RC3H2: variants seen among roughly 807,000 people sequenced by gnomAD.
The protein encoded by RC3H2 is roquin-2.
RC3H2 carries 31 observed loss-of-function variants against 133.3 expected under a neutral mutation model. The ratio of observed to expected loss-of-function variants is 0.23; its 90% confidence interval spans 0.17 to 0.31. The LOEUF (loss-of-function observed/expected upper bound fraction) is 0.31. Ranked by LOEUF, RC3H2 falls within the 10% of genes least tolerant of loss-of-function variation. The pLI is 1.00. For synonymous variants in RC3H2, 517 were observed against 502.2 expected (o/e 1.03, Z -0.40); for missense variants, 1,175 against 1,437.2 (o/e 0.82, Z 2.95).
intron 1 of RC3H2, among the ~76,000 whole-genome samples, chr9:122,902,271 C>A (rs530164021): frequency 6.6e-6 from 1 of 152,052 alleles, no homozygotes; most frequent in Non-Finnish European, 1.5e-5. Flanking sequence ...TTAGTGATGA[C>A]GAGAAAAATA....
At chr9:122,888,186 T>C (rs1055705639) in intron 4 of RC3H2, among the ~76,000 whole-genome samples, 7 of 152,196 alleles carry the variant, frequency 4.6e-5, no homozygotes, top group Non-Finnish European at 1.0e-4. Context: ...GACAAACAAA[T>C]ATAATTTAGG....
At chr9:122,866,564 C>G (rs1209543799) in intron 9 of RC3H2, among the ~76,000 whole-genome samples, 1 of 152,092 alleles carries the variant, frequency 6.6e-6, no homozygotes, top group African/African-American at 2.4e-5. Context: ...GCCGCCACGC[C>G]TGACTGGTTT....
intron 9 of RC3H2, among the ~76,000 whole-genome samples, chr9:122,869,250 AAAG>A (rs1214308436): frequency 4.5e-4 from 68 of 152,180 alleles, no homozygotes; most frequent in African/African-American, 1.6e-3. Flanking sequence ...TCACGAACAG[AAAG>A]AAGACTATAC....
intron 6 of RC3H2, 42 bp from the exon 7 acceptor site, chr9:122,880,167 T>A (rs1480168856): frequency 6.2e-7 from 1 of 1,601,746 alleles, no homozygotes; most frequent in Non-Finnish European, 8.6e-7. Context: ...TTGGTTCTTA[T>A]GACACATTTA....
At chr9:122,857,900 T>A (rs1376022497) in intron 13 of RC3H2, 23 bp downstream of exon 13, 2 of 1,603,668 alleles carry the variant, frequency 1.2e-6, no homozygotes, top group Non-Finnish European at 1.7e-6. Context: ...CCTGCAACAT[T>A]AAGTAATTAA....
At chr9:122,864,601 A>T (rs1377353811) in intron 10 of RC3H2, among the ~76,000 whole-genome samples, 1 of 151,804 alleles carries the variant, frequency 6.6e-6, no homozygotes, top group African/African-American at 2.4e-5. Flanking sequence ...AAGCCCAGAG[A>T]GTGTGGCTCC....
intron 1 of RC3H2, among the ~76,000 whole-genome samples, chr9:122,902,030 A>T (rs1431801656): frequency 6.9e-6 from 1 of 145,956 alleles, no homozygotes; most frequent in South Asian, 2.2e-4. Context: ...CCCGGGTTCA[A>T]GCGATTCTCC....
At chr9:122,854,422 C>T in intron 16 of RC3H2, 109 bp downstream of exon 16, 1 of 1,179,598 alleles carries the variant, frequency 8.5e-7, no homozygotes, top group Non-Finnish European at 1.2e-6. Context: ...TGTTATATAG[C>T]TCAGACAACA....
intron 5 of RC3H2, 75 bp from the exon 6 acceptor site, chr9:122,880,869 C>G: frequency 9.4e-7 from 1 of 1,064,246 alleles, no homozygotes; most frequent in South Asian, 1.3e-5. Context: ...ATTCCTTTTT[C>G]AGGGAGGGTG....
At chr9:122,893,088 T>C in intron 2 of RC3H2, 62 bp from the exon 3 acceptor site, 1 of 1,555,540 alleles carries the variant, frequency 6.4e-7, no homozygotes, top group Non-Finnish European at 8.7e-7. Context: ...GCAACTATTA[T>C]TTATGTACTT....
At position 122,850,456 on chromosome 9, in the gene RC3H2, A is replaced by G. The variant is rs923639731; in HGVS notation, c.3380+625T>C. Among the ~76,000 whole-genome samples, 8 of 151,184 alleles carry G rather than the reference A, an allele frequency of 5.3e-5. No homozygotes were observed. The South Asian group carries it at 6.3e-4, about 12-fold the overall frequency. The stretch of plus-strand genomic sequence containing the variant: ...TATCTATAGATAGATAGATAGATAG[A>G]TAATTTTGAGATGGAGTCTCAGTCT... On this transcript the variant is annotated intron_variant, in intron 20 of 20. Transcript: ENST00000357244.
chr9:122,852,329 C>T (rs1396404380), intron 18 of RC3H2, among the ~76,000 whole-genome samples: 7 of 144,630 alleles, frequency 4.8e-5, no homozygotes, highest in Non-Finnish European at 9.1e-5. Context: ...AGTGAGGAGC[C>T]TCTCTGCCTG....
chr9:122,884,486 T>C (rs919455302), intron 4 of RC3H2, among the ~76,000 whole-genome samples: 10 of 152,218 alleles, frequency 6.6e-5, no homozygotes, highest in Non-Finnish European at 8.8e-5. Context: ...TTCATTTATG[T>C]TGCTTTACAG....
chr9:122,896,284 C>A (rs1009755507), intron 2 of RC3H2, among the ~76,000 whole-genome samples: 1 of 152,116 alleles, frequency 6.6e-6, no homozygotes, highest in Non-Finnish European at 1.5e-5. Context: ...TCCATATATA[C>A]ATCCCTACAT....
chr9:122,856,974 G>A (rs1830274109), intron 13 of RC3H2, among the ~76,000 whole-genome samples: 1 of 152,144 alleles, frequency 6.6e-6, no homozygotes, highest in South Asian at 2.1e-4. Context: ...CTTTGAAGAA[G>A]TCTAAGTTTG....
At chr9:122,854,723 G>A in intron 15 of RC3H2, 108 bp from the exon 16 acceptor site, 1 of 746,154 alleles carries the variant, frequency 1.3e-6, no homozygotes, top group Non-Finnish European at 2.4e-6. Context: ...CTAGCCATAT[G>A]ATGCTGGTTA....
intron 1 of RC3H2, among the ~76,000 whole-genome samples, chr9:122,900,278 T>C (rs1832605917): frequency 6.6e-6 from 1 of 152,138 alleles, no homozygotes; most frequent in African/African-American, 2.4e-5. Flanking sequence ...CTCTACCAAA[T>C]TTTCTTCTCT....
intron 9 of RC3H2, among the ~76,000 whole-genome samples, chr9:122,868,069 T>TGGGGGGTC (rs1830811920): frequency 9.4e-6 from 1 of 106,582 alleles, no homozygotes; most frequent in African/African-American, 3.8e-5. Context: ...GGAGGGAGGT[T>TGGGGGGTC]GGGGGGTCAG....
At position 122,854,526 on chromosome 9, in the gene RC3H2, G is replaced by A. The variant is rs369438698; in HGVS notation, c.2900+5C>T. On this transcript the variant is annotated splice_donor_5th_base_variant and intron_variant, in intron 16 of 20. Coordinates refer to ENST00000357244, the MANE Select transcript of RC3H2 (RefSeq NM_001100588.3). ...AGAATCATATAGAATTAAGAAGAAC[G>A]TTACCTTTCAACATAGTGTGCTGAT... 1.4e-5 allele frequency: 22 copies of A among 1,603,398 alleles called. No individual in the cohort carries two copies. Among genetic ancestry groups the A allele is most frequent in the African/African-American group, 1.2e-4 (9 of 74,648 alleles).
Sources: gnomAD v4.1 joint callset for allele counts (sites outside exome capture counted in the v4.1 genomes callset) on GRCh38, gnomAD v4.1.1 for gene constraint, MANE v1.5 for transcripts, NCBI Gene and HGNC (gene_info 2026-07-23, HGNC 2026-07-21) for gene names.